The following WDPCP variants were observed in gnomAD, a reference collection of about 807,000 sequenced individuals.
WDPCP encodes the protein WD repeat-containing and planar cell polarity effector protein fritz homolog.
In WDPCP, 71 loss-of-function variants were observed where a neutral mutation model predicts 93.1. The ratio of observed to expected loss-of-function variants is 0.76; its 90% CI spans 0.63 to 0.93. The LOEUF is 0.93. WDPCP is among the 40% of genes least tolerant of loss of function. WDPCP has a pLI of 0.00. For missense variants in WDPCP, 844 were observed against 887.4 expected, an observed-to-expected ratio of 0.95 and a Z score of 0.62; for synonymous variants, 315 against 315.0, an observed-to-expected ratio of 1.00 and a Z score of 0.00.
intron 13 of WDPCP, among the ~76,000 whole-genome samples, chr2:63,265,335 G>A (rs1682008155): frequency 6.6e-6 from 1 of 151,740 alleles, no homozygotes; most frequent in African/African-American, 2.4e-5. Context: ...AATGAAAGAG[G>A]AGACATTATA....
intron 14 of WDPCP, among the ~76,000 whole-genome samples, chr2:63,191,180 C>T (rs975988601): frequency 6.6e-6 from 1 of 152,194 alleles, no homozygotes; most frequent in African/African-American, 2.4e-5. Context: ...ATCACAAGGT[C>T]AGGAGATCGA....
chr2:63,599,062 C>G, intron 3 of WDPCP: 1 of 1,021,578 alleles, frequency 9.8e-7, no homozygotes. Flanking sequence ...GTTTCCCAAG[C>G]CTCCCCTGTA....
rs554797700 is a variant in WDPCP at position 63,586,778 on chromosome 2, G to A, written c.75+1419C>T. 4.6e-5 allele frequency among the ~76,000 whole-genome samples: 7 copies of A among 152,334 alleles called. No individual in the cohort carries two copies. The East Asian group carries it at 1.2e-3, about 25-fold the overall frequency. On this transcript the variant is annotated intron_variant, in intron 1 of 17. Transcript: ENST00000272321. ...CTTACATGTTTGTGGCCTTCTTGGA[G>A]TATGGGAATGTCCTGTCCTGCTATA...
Position 63,778,965 on chromosome 2 carries a change from G to C in WDPCP, n.308+34657C>G, listed in dbSNP as rs2103967864. 1.3e-5 allele frequency among the ~76,000 whole-genome samples: 2 copies of C among 152,080 alleles called. 1 individual carries two copies. The highest frequency in any genetic ancestry group is 4.2e-4 in the South Asian group (2 of 4,808). On this transcript the variant is annotated intron_variant and non_coding_transcript_variant, in intron 2 of 4. Coordinates refer to the WDPCP transcript ENST00000467687. ...TATGTGTTTCTCCCTCCCTTCTGCT[G>C]CCTAGATTTTGGCATACATCCCTCT...
chr2:63,582,912 T>C (rs1212998881), intron 1 of WDPCP, among the ~76,000 whole-genome samples: 1 of 152,104 alleles, frequency 6.6e-6, no homozygotes, highest in Non-Finnish European at 1.5e-5. Flanking sequence ...GAAACATTTT[T>C]AAAAAGGAAC....
At chr2:63,313,888 T>TGTGTG (rs1686414633) in intron 12 of WDPCP, among the ~76,000 whole-genome samples, 6 of 5,010 alleles carry the variant, frequency 1.2e-3, no homozygotes, top group African/African-American at 7.4e-3. Context: ...ATATATATAT[T>TGTGTG]TTTTTTTTTT....
chr2:63,544,238 C>T (rs1704968110), intron 1 of WDPCP, among the ~76,000 whole-genome samples: 1 of 151,842 alleles, frequency 6.6e-6, no homozygotes, highest in Admixed American at 6.6e-5. Context: ...TCAGTAATTC[C>T]ACAAATTTAA....
chr2:63,523,543 A>T (rs1703095036), intron 1 of WDPCP, among the ~76,000 whole-genome samples: 1 of 152,210 alleles, frequency 6.6e-6, no homozygotes, highest in Admixed American at 6.5e-5. Flanking sequence ...ATGATTCTAT[A>T]CCTAGAAAAC....
intron 6 of WDPCP, among the ~76,000 whole-genome samples, chr2:63,466,713 A>C (rs865890699): frequency 7.9e-5 from 12 of 152,216 alleles, no homozygotes; most frequent in African/African-American, 2.7e-4. Context: ...GACACGTGAA[A>C]AACAACAAGA....
At chr2:63,353,496 G>T (rs116541157) in intron 12 of WDPCP, among the ~76,000 whole-genome samples, 1 of 152,154 alleles carries the variant, frequency 6.6e-6, no homozygotes, top group Non-Finnish European at 1.5e-5. Flanking sequence ...GGTGGGAGGG[G>T]CAGGCCACAA....
chr2:63,449,536 C>G (rs554638278), intron 6 of WDPCP, among the ~76,000 whole-genome samples: 1 of 152,230 alleles, frequency 6.6e-6, no homozygotes, highest in Non-Finnish European at 1.5e-5. Context: ...TTGACTGGGA[C>G]CCTGAGGGGC....
chr2:63,501,494 A>G (rs1168445974), intron 1 of WDPCP, among the ~76,000 whole-genome samples: 1 of 152,240 alleles, frequency 6.6e-6, no homozygotes, highest in Non-Finnish European at 1.5e-5. Context: ...CAAGACCAGG[A>G]GTTGGAGAGT....
intron 9 of WDPCP, among the ~76,000 whole-genome samples, chr2:63,411,940 T>A (rs867505402): frequency 6.6e-6 from 1 of 152,180 alleles, no homozygotes; most frequent in Non-Finnish European, 1.5e-5. Flanking sequence ...AGCAGAATTC[T>A]AACGGACATT....
intron 1 of WDPCP, among the ~76,000 whole-genome samples, chr2:63,580,535 G>C (rs1256551299): frequency 2.6e-5 from 4 of 152,072 alleles, no homozygotes; most frequent in Non-Finnish European, 5.9e-5. Flanking sequence ...ATGCAAGCCT[G>C]AATTTAACCA....
intron 3 of WDPCP, among the ~76,000 whole-genome samples, chr2:63,617,300 G>T (rs1189211828): frequency 2.0e-5 from 3 of 152,196 alleles, no homozygotes; most frequent in Non-Finnish European, 4.4e-5. Context: ...TTGAAAATAA[G>T]ATTAAAATGA....
At chr2:63,322,341 G>A (rs1326478948) in intron 12 of WDPCP, among the ~76,000 whole-genome samples, 1 of 152,260 alleles carries the variant, frequency 6.6e-6, no homozygotes, top group Non-Finnish European at 1.5e-5. Flanking sequence ...TGAGCCAGCA[G>A]TGGCAACCCG....
rs142247198 is a variant in WDPCP at position 63,689,042 on chromosome 2, C to A, written n.309-38204G>T. ...GCCATGTTCTTGAACTTCCCAGCCT[C>A]CAGAACTGTAAGCCAAATACACTTC... On this transcript the variant is annotated intron_variant and non_coding_transcript_variant, in intron 2 of 4. Coordinates refer to the WDPCP transcript ENST00000467687. Among the ~76,000 whole-genome samples the A allele has an allele frequency of 1.2e-3, 180 of 152,252 alleles. 1 individual carries two copies. Among genetic ancestry groups the A allele is most frequent in the African/African-American group, 3.9e-3 (164 of 41,534 alleles).
intron 13 of WDPCP, among the ~76,000 whole-genome samples, chr2:63,300,480 T>C (rs147941498): frequency 6.9e-4 from 105 of 152,264 alleles, no homozygotes; most frequent in African/African-American, 2.3e-3. Context: ...AAATGAATAT[T>C]TCTTCTGGCC....
At chr2:63,514,109 A>C (rs963788360) in intron 1 of WDPCP, among the ~76,000 whole-genome samples, 9 of 152,172 alleles carry the variant, frequency 5.9e-5, no homozygotes, top group African/African-American at 2.2e-4. Context: ...TGTTGTTTAT[A>C]AACATGGAAG....
Sources: allele counts gnomAD v4.1 joint callset (sites outside exome capture counted in the v4.1 genomes callset), GRCh38; gene constraint gnomAD v4.1.1; transcripts MANE v1.5; gene names NCBI Gene and HGNC (gene_info 2026-07-23, HGNC 2026-07-21).